TMEM132C: variants seen among roughly 807,000 people sequenced by gnomAD.
TMEM132C encodes the protein transmembrane protein 132C.
Under a neutral mutation model 61.4 loss-of-function variants are expected in TMEM132C, and 29 were observed. That is an observed-to-expected ratio of 0.47 (90% CI 0.35 to 0.64). The LOEUF is 0.64. Ranked by LOEUF, TMEM132C falls within the 30% of genes least tolerant of loss-of-function variation. The pLI is 0.00. For synonymous variants in TMEM132C, 656 were observed against 633.1 expected, an observed-to-expected ratio of 1.04 and a Z score of -0.54; for missense variants, 1,408 against 1,476.9, an observed-to-expected ratio of 0.95 and a Z score of 0.76.
chr12:128,346,878 C>T (rs985596290), intron 1 of TMEM132C, among the ~76,000 whole-genome samples: 1 of 152,118 alleles, frequency 6.6e-6, no homozygotes, highest in Non-Finnish European at 1.5e-5. Context: ...TCCATGAAGT[C>T]TTGATCAATA....
intron 5 of TMEM132C, among the ~76,000 whole-genome samples, chr12:128,672,765 A>T (rs987617987): frequency 1.3e-5 from 2 of 152,156 alleles, no homozygotes; most frequent in Non-Finnish European, 2.9e-5. Context: ...AATGCCATGG[A>T]GAGAAGATGG....
intron 2 of TMEM132C, among the ~76,000 whole-genome samples, chr12:128,453,602 A>G (rs1870250417): frequency 6.6e-6 from 1 of 152,182 alleles, no homozygotes; most frequent in South Asian, 2.1e-4. Context: ...TCATGTTGCA[A>G]GCAGACAAGA....
chr12:128,538,065 G>A (rs963219140), intron 2 of TMEM132C, among the ~76,000 whole-genome samples: 20 of 152,062 alleles, frequency 1.3e-4, no homozygotes, highest in East Asian at 1.9e-4. Flanking sequence ...CCCATAGCTG[G>A]GACTACAGGC....
chr12:128,406,475 G>A (rs1875349163), intron 1 of TMEM132C, among the ~76,000 whole-genome samples: 2 of 152,162 alleles, frequency 1.3e-5, no homozygotes, highest in Admixed American at 6.5e-5. Flanking sequence ...ACAGCTGTGT[G>A]AAAAGATATA....
At position 128,697,326 on chromosome 12, in the gene TMEM132C, C is replaced by T. The variant is rs1954773315; in HGVS notation, c.2032C>T (p.Leu678=). The change falls in exon 8 of 9, where the codon CTG becomes TTG. Residue 678 remains leucine, a synonymous_variant. Transcript: ENST00000435159. ...TDLAIQLVAG[L]SVALYPNAEN... Reference sequence around the variant, plus strand: ...CTTGGCCATCCAGCTCGTGGCTGGGCTGTCTGTCGCCCTTTACCCCAACGC... The same window carrying T: ...CTTGGCCATCCAGCTCGTGGCTGGGTTGTCTGTCGCCCTTTACCCCAACGC... 6.4e-7 allele frequency: 1 copy of T among 1,551,378 alleles called. No individual in the cohort carries two copies. Among genetic ancestry groups the T allele is most frequent in the Non-Finnish European group, 8.7e-7 (1 of 1,146,736 alleles).
At position 128,628,070 on chromosome 12, in the gene TMEM132C, C is replaced by T. The variant is rs537383238; in HGVS notation, c.1305+11735C>T. On this transcript the variant is annotated intron_variant, in intron 4 of 8. Coordinates refer to ENST00000435159, the MANE Select transcript of TMEM132C (RefSeq NM_001136103.3). ...GCACCTGCCCATCTGTGCCATCCCT[C>T]GAAATGCATCTCAAATGCAGCAGTC... is the stretch of plus-strand genomic sequence containing the variant. Among the ~76,000 whole-genome samples, 3 of 152,272 alleles carry T rather than the reference C, an allele frequency of 2.0e-5. No individual in the cohort carries two copies. The East Asian group carries it at 5.8e-4, about 29-fold the overall frequency.
intron 5 of TMEM132C, among the ~76,000 whole-genome samples, chr12:128,670,060 T>A (rs918353595): frequency 1.3e-5 from 2 of 152,170 alleles, no homozygotes; most frequent in African/African-American, 2.4e-5. Flanking sequence ...AATATATTAT[T>A]ACACTTTAGG....
chr12:128,705,521 G>T lies in TMEM132C; in HGVS notation c.2553G>T (p.Gly851=). The change falls in exon 9 of 9, where the codon GGG becomes GGT. Residue 851 remains glycine (G), a synonymous_variant. Transcript: ENST00000435159. ...GCTCTCCCGTGGAGCGTGAGGAAGG[G>T]GCTCTCCGAAGAGCCACTACCACGG... The part of the protein sequence containing the change: ...YGSSPVEREE[G]ALRRATTTAR... 6.4e-7 allele frequency: 1 copy of T among 1,550,970 alleles called. No individual in the cohort carries two copies. The highest frequency in any genetic ancestry group is 1.2e-5 in the South Asian group (1 of 84,058).
chr12:128,419,185 T>G (rs1252952201), intron 2 of TMEM132C, among the ~76,000 whole-genome samples: 1 of 152,190 alleles, frequency 6.6e-6, no homozygotes, highest in Non-Finnish European at 1.5e-5. Flanking sequence ...CCTCCAAGAC[T>G]GCACGCCCTT....
At chr12:128,303,021 A>G (rs1224451848) in intron 1 of TMEM132C, among the ~76,000 whole-genome samples, 2 of 152,250 alleles carry the variant, frequency 1.3e-5, no homozygotes. Context: ...CAACCTGAGC[A>G]AGAATCAATA....
At chr12:128,449,929 G>T (rs1870124071) in intron 2 of TMEM132C, among the ~76,000 whole-genome samples, 1 of 152,210 alleles carries the variant, frequency 6.6e-6, no homozygotes, top group Non-Finnish European at 1.5e-5. Flanking sequence ...ATAGATGCTA[G>T]AATTTTCTAG....
At chr12:128,547,580 A>G (rs897841749) in intron 3 of TMEM132C, among the ~76,000 whole-genome samples, 9 of 151,870 alleles carry the variant, frequency 5.9e-5, no homozygotes, top group Admixed American at 4.6e-4. Flanking sequence ...AAAAAAAAAA[A>G]AAAGAAATAT....
intron 2 of TMEM132C, among the ~76,000 whole-genome samples, chr12:128,528,758 A>G (rs990247757): frequency 1.3e-5 from 2 of 152,160 alleles, no homozygotes; most frequent in Non-Finnish European, 2.9e-5. Context: ...TGTCCCCTGG[A>G]GCACAGAACA....
intron 1 of TMEM132C, among the ~76,000 whole-genome samples, chr12:128,314,543 C>G (rs1872083642): frequency 6.6e-6 from 1 of 152,232 alleles, no homozygotes; most frequent in East Asian, 1.9e-4. Flanking sequence ...GTCACTTTAG[C>G]TGGAAATAGA....
chr12:128,612,146 G>C (rs185569398), intron 3 of TMEM132C, among the ~76,000 whole-genome samples: 1 of 152,142 alleles, frequency 6.6e-6, no homozygotes, highest in Non-Finnish European at 1.5e-5. Flanking sequence ...AAGGCCTCCC[G>C]GGGGCTCATT....
At chr12:128,480,294 C>T (rs772580029) in intron 2 of TMEM132C, among the ~76,000 whole-genome samples, 1 of 152,126 alleles carries the variant, frequency 6.6e-6, no homozygotes, top group Non-Finnish European at 1.5e-5. Flanking sequence ...CATGGACAGT[C>T]GGGCCCAGGC....
intron 2 of TMEM132C, among the ~76,000 whole-genome samples, chr12:128,454,492 A>G (rs1338510445): frequency 6.6e-6 from 1 of 152,240 alleles, no homozygotes; most frequent in East Asian, 1.9e-4. Flanking sequence ...ACTCAGAAAT[A>G]TAGAAGGTTA....
intron 3 of TMEM132C, among the ~76,000 whole-genome samples, chr12:128,581,048 C>T (rs1333853673): frequency 1.3e-5 from 2 of 152,160 alleles, no homozygotes; most frequent in African/African-American, 4.8e-5. Context: ...AAACCTCCCA[C>T]CCTCCAGAAG....
Position 128,414,752 on chromosome 12 carries a change from A to G in TMEM132C, c.106A>G (p.Thr36Ala), listed in dbSNP as rs1593044877. Residue 36 changes from threonine to alanine, a missense_variant, in exon 2 of 9, where the codon ACA becomes GCA. By Grantham distance (58) the Thr-to-Ala change is moderately conservative (BLOSUM62 0). Transcript: ENST00000435159. Reference sequence around the variant, plus strand: ...TTTAGTGATAGAGGGTCACGGGGTCACAGACAACATACAGAGATTCTCCTC... The same window carrying G: ...TTTAGTGATAGAGGGTCACGGGGTCGCAGACAACATACAGAGATTCTCCTC... Reference protein sequence around the residue: ...LGKVIEGHGVTDNIQRFSSLP... With the variant: ...LGKVIEGHGVADNIQRFSSLP... The G allele has an allele frequency of 6.5e-7, 1 of 1,530,966 alleles. No individual in the cohort carries two copies. The highest frequency in any genetic ancestry group is 8.8e-7 in the Non-Finnish European group (1 of 1,141,854). The allele number at this position is 1,530,966 out of a possible 1,614,324, so 94.8% of individuals were successfully genotyped here. A position where few individuals can be genotyped will look rare whatever the true frequency, so the allele number is the denominator to read the frequency against.
Sources: allele counts gnomAD v4.1 joint callset (sites outside exome capture counted in the v4.1 genomes callset), GRCh38; gene constraint gnomAD v4.1.1; transcripts MANE v1.5; gene names NCBI Gene and HGNC (gene_info 2026-07-23, HGNC 2026-07-21).